Variants in KCTD14 observed in about 807,000 individuals in gnomAD.
The protein encoded by KCTD14 is potassium channel tetramerization domain containing 14.
In KCTD14, 7 loss-of-function variants were observed where a neutral mutation model predicts 5.9. The observed-to-expected ratio is 1.19, with a 90% CI of 0.68 to 2.23. The LOEUF is 2.23. KCTD14 is among the 30% of genes most tolerant of loss of function. The probability of loss-of-function intolerance (pLI) is 0.00; values close to 1 mark genes in which losing one functional copy is unlikely to be tolerated. For synonymous variants in KCTD14, 140 were observed against 133.1 expected (o/e 1.05, Z -0.36); for missense variants, 342 against 332.2 (o/e 1.03, Z -0.23).
At chr11:78,027,360 C>T (rs1293011395), upstream of KCTD14, among the ~76,000 whole-genome samples, 1 of 135,462 alleles carries the variant, frequency 7.4e-6, no homozygotes, top group African/African-American at 2.8e-5. Flanking sequence ...TAGCAAGACC[C>T]CATCCCTATT....
At position 78,017,123 on chromosome 11, in the gene KCTD14, C is replaced by A. The variant is rs149621681; in HGVS notation, c.238G>T (p.Asp80Tyr). 6.2e-7 allele frequency: 1 copy of A among 1,614,064 alleles called. No individual in the cohort carries two copies. The change falls in exon 2 of 2, where the codon GAC (aspartate) becomes TAC (tyrosine). Residue 80 changes from aspartate to tyrosine, a missense_variant. Coordinates refer to ENST00000353172, the MANE Select transcript of KCTD14 (RefSeq NM_023930.4). Reference sequence around the variant, plus strand: ...GGTCTGAAATAGGTGCTGGGGCGGTCGATGAAGAAGCGGCCCTCCGCGTCC... The same window carrying A: ...GGTCTGAAATAGGTGCTGGGGCGGTAGATGAAGAAGCGGCCCTCCGCGTCC... The part of the protein sequence containing the change: ...STDAEGRFFI[D>Y]RPSTYFRPIL...
chr11:78,044,683 G>A (rs1017020036), intron 1 of KCTD14, among the ~76,000 whole-genome samples: 1 of 152,126 alleles, frequency 6.6e-6, no homozygotes, highest in African/African-American at 2.4e-5. Context: ...AGAATTAGTC[G>A]GAGGGGCATA....
At chr11:78,023,535 G>A, upstream of KCTD14, 1 of 402,794 alleles carries the variant, frequency 2.5e-6, no homozygotes, top group South Asian at 2.7e-5. Flanking sequence ...TTTTTTCAGA[G>A]ACAGGGTCTC....
upstream of KCTD14, among the ~76,000 whole-genome samples, chr11:78,025,887 G>A (rs1857450860): frequency 6.6e-6 from 1 of 152,216 alleles, no homozygotes. Flanking sequence ...GGAGGAAAAA[G>A]AGAAGAAACT....
chr11:78,031,577 G>T (rs962239264), intron 2 of KCTD14, among the ~76,000 whole-genome samples: 1 of 151,616 alleles, frequency 6.6e-6, no homozygotes, highest in East Asian at 1.9e-4. Context: ...TAGTAGAGAT[G>T]GGGTTTCACC....
intron 2 of KCTD14, among the ~76,000 whole-genome samples, chr11:78,034,379 C>T (rs1857726949): frequency 6.6e-6 from 1 of 152,158 alleles, no homozygotes. Context: ...TTCCAAAATG[C>T]TGGAATTACA....
intron 1 of KCTD14, among the ~76,000 whole-genome samples, chr11:78,045,880 C>T (rs1253628355): frequency 1.3e-5 from 2 of 152,148 alleles, no homozygotes; most frequent in African/African-American, 2.4e-5. Flanking sequence ...TTCTCCCCCA[C>T]CCCACCCAGG....
chr11:78,027,416 G>A (rs1038520131), upstream of KCTD14, among the ~76,000 whole-genome samples: 18 of 130,482 alleles, frequency 1.4e-4, no homozygotes, highest in Non-Finnish European at 2.7e-4. Flanking sequence ...AGGCTGAAGT[G>A]CAGCGGTGCA....
intron 2 of KCTD14, among the ~76,000 whole-genome samples, chr11:78,033,122 A>T (rs55808847): frequency 0.046 from 7,015 of 152,256 alleles, 212 homozygotes; most frequent in Non-Finnish European, 0.07. Flanking sequence ...TCTTTCTAGC[A>T]TAAGTGGTGT....
chr11:78,036,657 G>A (rs1857810209), intron 2 of KCTD14, among the ~76,000 whole-genome samples: 1 of 152,154 alleles, frequency 6.6e-6, no homozygotes, highest in Non-Finnish European at 1.5e-5. Flanking sequence ...TTCCCAAGAG[G>A]CCTTCCGTGA....
chr11:78,020,210 A>G (rs1857274353), intron 1 of KCTD14, among the ~76,000 whole-genome samples: 1 of 152,176 alleles, frequency 6.6e-6, no homozygotes, highest in Non-Finnish European at 1.5e-5. Flanking sequence ...CTGCTGAGGA[A>G]TAGATGCATA....
At chr11:78,028,997 C>A (rs758490864) in intron 2 of KCTD14, among the ~76,000 whole-genome samples, 1 of 151,668 alleles carries the variant, frequency 6.6e-6, no homozygotes. Context: ...CCAGCCTGAC[C>A]AATATGGTGA....
rs181240184 is a variant in KCTD14 at position 78,029,938 on chromosome 11, C to T, written c.-1+8726G>A. 9.6e-3 allele frequency among the ~76,000 whole-genome samples: 1,455 copies of T among 152,132 alleles called. 10 individuals carry two copies. Among genetic ancestry groups the T allele is most frequent in the Non-Finnish European group, 0.013 (894 of 67,988 alleles). The stretch of plus-strand genomic sequence containing the variant: ...CTGGGACTACAGGCGCCCACCACCA[C>T]GCCTGGCTAATTTTTTTTGTATTTT... On this transcript the variant is annotated intron_variant, in intron 2 of 2. Transcript: ENST00000533144.
At chr11:78,027,898 A>G (rs1857508964), upstream of KCTD14, among the ~76,000 whole-genome samples, 1 of 152,132 alleles carries the variant, frequency 6.6e-6, no homozygotes, top group African/African-American at 2.4e-5. Context: ...TGCATGACTG[A>G]CAGACTGTTC....
At chr11:78,022,038 T>G (rs1312124608) in intron 1 of KCTD14, among the ~76,000 whole-genome samples, 1 of 152,158 alleles carries the variant, frequency 6.6e-6, no homozygotes, top group African/African-American at 2.4e-5. Flanking sequence ...CTCACTGTGA[T>G]CCCAGAAAGT....
intron 2 of KCTD14, among the ~76,000 whole-genome samples, chr11:78,035,370 G>A (rs942295782): frequency 2.6e-5 from 4 of 152,034 alleles, no homozygotes; most frequent in Non-Finnish European, 4.4e-5. Flanking sequence ...TCTCCCTGTC[G>A]AGTTCCTATA....
At chr11:78,045,466 T>C (rs1424742210) in intron 1 of KCTD14, among the ~76,000 whole-genome samples, 2 of 152,206 alleles carry the variant, frequency 1.3e-5, no homozygotes, top group African/African-American at 4.8e-5. Flanking sequence ...GGCAATCGTT[T>C]ATGTCTGCAC....
chr11:78,027,088 G>A (rs1051347821), upstream of KCTD14, among the ~76,000 whole-genome samples: 10 of 151,904 alleles, frequency 6.6e-5, no homozygotes, highest in Non-Finnish European at 1.3e-4. Flanking sequence ...AACAGAGCGA[G>A]AATCCGTCTC....
rs377147362 is a variant in KCTD14, at chr11:78,017,021, C to T, written c.340G>A (p.Glu114Lys). The T allele has an allele frequency of 8.3e-5, 134 of 1,614,214 alleles. 1 individual carries two copies. Among genetic ancestry groups the T allele is most frequent in the South Asian group, 2.1e-4 (19 of 91,084 alleles). The change falls in exon 2 of 2, where the codon GAA becomes AAA. Residue 114 changes from glutamate to lysine, a missense_variant. Physicochemically the swap from Glu to Lys is moderately conservative, Grantham distance 56. Transcript: ENST00000353172. The stretch of plus-strand genomic sequence containing the variant: ...AGCAGCTTGACCAAAGGCTTGATTT[C>T]GTAGAACTGAGCCTCACGGTACACT... ...PEVYREAQFY[E>K]IKPLVKLLED...
Sources: gnomAD v4.1 joint callset for allele counts (sites outside exome capture counted in the v4.1 genomes callset) on GRCh38, gnomAD v4.1.1 for gene constraint, MANE v1.5 for transcripts, NCBI Gene and HGNC (gene_info 2026-07-23, HGNC 2026-07-21) for gene names.